Variants in ACVR2B observed in about 807,000 individuals in gnomAD.
The protein encoded by ACVR2B is activin A receptor type 2B, also known as activin receptor type-2B.
In ACVR2B, 18 loss-of-function variants were observed where a neutral mutation model predicts 65.1. The ratio of observed to expected loss-of-function variants is 0.28; its 90% confidence interval spans 0.19 to 0.41. ACVR2B has a LOEUF of 0.41. ACVR2B is among the 10% of genes least tolerant of loss of function. The pLI is 1.00. For missense variants in ACVR2B, 482 were observed against 682.7 expected, an observed-to-expected ratio of 0.71 and a Z score of 3.28; for synonymous variants, 298 against 277.7, an observed-to-expected ratio of 1.07 and a Z score of -0.73.
Position 38,479,713 on chromosome 3 carries a change from C to T in ACVR2B, c.846C>T (p.Ile282=), listed in dbSNP as rs201738662. Residue 282 remains isoleucine (I), a synonymous_variant, in exon 7 of 11, where the codon ATC becomes ATT. Transcript: ENST00000352511. ...CGGATTACCTCAAGGGGAACATCAT[C>T]ACATGGAACGAACTGTGTCATGTAG... ...SLTDYLKGNI[I]TWNELCHVAE... is the part of the protein sequence containing the mutation. 3 of 1,614,240 alleles carry T rather than the reference C, an allele frequency of 1.9e-6. No homozygotes were observed. The highest frequency in any genetic ancestry group is 1.3e-5 in the African/African-American group (1 of 75,070).
chr3:38,469,326 C>T (rs1302655330), intron 1 of ACVR2B, among the ~76,000 whole-genome samples: 1 of 152,102 alleles, frequency 6.6e-6, no homozygotes, highest in African/African-American at 2.4e-5. Context: ...CTTTGCCTGT[C>T]TTTATAATTT....
At chr3:38,480,832 C>A (rs1377711188) in intron 7 of ACVR2B, among the ~76,000 whole-genome samples, 1 of 152,228 alleles carries the variant, frequency 6.6e-6, no homozygotes, top group East Asian at 1.9e-4. Flanking sequence ...AAACTGAGTA[C>A]CACAAGTAGC....
intron 1 of ACVR2B, among the ~76,000 whole-genome samples, chr3:38,464,093 C>T (rs556464074): frequency 6.6e-6 from 1 of 152,298 alleles, no homozygotes; most frequent in East Asian, 1.9e-4. Context: ...TTGCACCAAC[C>T]CAATAGTCAC....
chr3:38,459,859 G>T (rs1159395408), intron 1 of ACVR2B, among the ~76,000 whole-genome samples: 2 of 152,156 alleles, frequency 1.3e-5, no homozygotes, highest in Admixed American at 6.5e-5. Flanking sequence ...CTTGTCTATT[G>T]GGCTTGGCAG....
rs575100814 is a variant in ACVR2B, at chr3:38,459,282, A to G, written c.52+4908A>G. On this transcript the variant is annotated intron_variant, in intron 1 of 10. Coordinates refer to ENST00000352511, the MANE Select transcript of ACVR2B (RefSeq NM_001106.4). The stretch of plus-strand genomic sequence containing the variant: ...GGTTCTGGTGTACAGCTTACCACCG[A>G]GGAGAATCCTGGCGTCCTTGAGTTT... Among the ~76,000 whole-genome samples, 41 of 152,316 alleles carry G rather than the reference A, an allele frequency of 2.7e-4. No homozygotes were observed. In the South Asian group the frequency reaches 8.3e-3, roughly 31 times the overall value.
intron 1 of ACVR2B, among the ~76,000 whole-genome samples, chr3:38,462,815 G>A (rs986412489): frequency 2.6e-5 from 4 of 152,164 alleles, no homozygotes; most frequent in Non-Finnish European, 4.4e-5. Context: ...TCATAAGCAC[G>A]TATGTTATTG....
intron 6 of ACVR2B, 137 bp from the exon 7 acceptor site, chr3:38,479,541 A>G (rs1042351666): frequency 1.8e-6 from 2 of 1,138,962 alleles, no homozygotes; most frequent in African/African-American, 3.0e-5. Flanking sequence ...GGCCTCATCC[A>G]TCTTCCATAT....
chr3:38,490,051 G>A lies in ACVR2B; in HGVS notation c.*6719G>A, dbSNP rs1269478654. Reference sequence around the variant, plus strand: ...GTAACAGCAGAGCATCTTTCAGATAGCTCCAGAGTTTTCCTGCTTTTCTGA... The same window carrying A: ...GTAACAGCAGAGCATCTTTCAGATAACTCCAGAGTTTTCCTGCTTTTCTGA... On this transcript the variant is annotated 3_prime_UTR_variant, in exon 11 of 11. Coordinates refer to ENST00000352511, the MANE Select transcript of ACVR2B (RefSeq NM_001106.4). 1.3e-5 allele frequency: 2 copies of A among 152,224 alleles called. No homozygotes were observed. The highest frequency in any genetic ancestry group is 2.9e-5 in the Non-Finnish European group (2 of 68,040). The allele number at this position is 152,224 out of a possible 1,614,324, so 9.4% of individuals were successfully genotyped here.
rs1470129412 is a variant in ACVR2B, at chr3:38,454,344, C to T, written c.22C>T (p.Leu8Phe). 1.4e-5 allele frequency: 18 copies of T among 1,297,606 alleles called. No homozygotes were observed. The highest frequency in any genetic ancestry group is 6.3e-5 in the East Asian group (2 of 31,958). 80.4% of individuals were successfully genotyped at this position (1,297,606 alleles called of 1,614,324 possible). The change falls in exon 1 of 11, where the codon CTC becomes TTC. Residue 8 changes from leucine (L) to phenylalanine (F), a missense_variant. Physicochemically the swap from Leu to Phe is conservative, Grantham distance 22 (BLOSUM62 0). This residue lies in a region of ACVR2B where 41 missense variants were observed against 38.2 expected (regional missense o/e 1.07). Coordinates refer to ENST00000352511, the MANE Select transcript of ACVR2B (RefSeq NM_001106.4). ...GAACATGACGGCGCCCTGGGTGGCC[C>T]TCGCCCTCCTCTGGGGATCGCTGTG... MTAPWVA[L>F]ALLWGSLCAG...
chr3:38,463,393 A>G (rs1445393914), intron 1 of ACVR2B, among the ~76,000 whole-genome samples: 3 of 152,206 alleles, frequency 2.0e-5, no homozygotes, highest in Non-Finnish European at 2.9e-5. Flanking sequence ...GTATTGGAGA[A>G]ACCTGTAGAA....
At chr3:38,464,841 T>G (rs1426502592) in intron 1 of ACVR2B, among the ~76,000 whole-genome samples, 1 of 151,810 alleles carries the variant, frequency 6.6e-6, no homozygotes, top group Non-Finnish European at 1.5e-5. Context: ...GAGGATCAGT[T>G]GAGCCCAGGA....
At position 38,481,573 on chromosome 3, in the gene ACVR2B, C is replaced by T. The variant is rs1710018344; in HGVS notation, c.1074+108C>T. 3.5e-6 allele frequency: 3 copies of T among 868,598 alleles called. No homozygotes were observed. The highest frequency in any genetic ancestry group is 3.9e-6 in the Non-Finnish European group (2 of 518,280). 53.8% of individuals were successfully genotyped at this position (868,598 alleles called of 1,614,324 possible). On this transcript the variant is annotated intron_variant, in intron 8 of 10. Transcript: ENST00000352511. The surrounding 1 kb of genome is among the most constrained non-coding windows in gnomAD (Gnocchi z 4.7). ...AGGGATGAGGGTGACTGCATGCGTT[C>T]AGAGCTGTCTGAGAACTTAGAGCAA...
intron 1 of ACVR2B, among the ~76,000 whole-genome samples, chr3:38,462,230 T>G (rs1709660907): frequency 6.6e-6 from 1 of 152,060 alleles, no homozygotes; most frequent in African/African-American, 2.4e-5. Flanking sequence ...AATAAATAAA[T>G]AAATAAATAG....
intron 3 of ACVR2B, 66 bp from the exon 4 acceptor site, chr3:38,478,075 G>A: frequency 6.2e-7 from 1 of 1,600,140 alleles, no homozygotes. Flanking sequence ...ACAGGGCCCT[G>A]TAGTCTGGCT....
In ACVR2B at chr3:38,488,922, A is replaced by G. The variant is rs1389944513; in HGVS notation, c.*5590A>G. 3 of 152,248 alleles carry G rather than the reference A, an allele frequency of 2.0e-5. No individual in the cohort carries two copies. The highest frequency in any genetic ancestry group is 7.2e-5 in the African/African-American group (3 of 41,452). 9.4% of individuals were successfully genotyped at this position (152,248 alleles called of 1,614,324 possible). A position where few individuals can be genotyped will look rare whatever the true frequency, so the allele number is the denominator to read the frequency against. On this transcript the variant is annotated 3_prime_UTR_variant, in exon 11 of 11. Transcript: ENST00000352511. ...ACCACAGGGCACTAAAGCAATGTAC[A>G]CACCACTCTTTGTGTGTATGGAAGG... is the stretch of plus-strand genomic sequence containing the variant.
At chr3:38,472,552 G>C (rs185842765) in intron 1 of ACVR2B, among the ~76,000 whole-genome samples, 1 of 152,268 alleles carries the variant, frequency 6.6e-6, no homozygotes, top group East Asian at 1.9e-4. Flanking sequence ...CACCTGGTGA[G>C]TGGCACTCCT....
intron 1 of ACVR2B, among the ~76,000 whole-genome samples, chr3:38,463,176 A>G (rs1709676416): frequency 6.6e-6 from 1 of 152,162 alleles, no homozygotes; most frequent in Non-Finnish European, 1.5e-5. Context: ...ACTAGCCAGG[A>G]TGTGCTGGTC....
chr3:38,481,992 T>C lies in ACVR2B; in HGVS notation c.1075-206T>C, dbSNP rs979179102. Among the ~76,000 whole-genome samples the C allele has an allele frequency of 6.6e-6, 1 of 152,184 alleles. No individual in the cohort carries two copies. Among genetic ancestry groups the C allele is most frequent in the Non-Finnish European group, 1.5e-5 (1 of 68,040 alleles). On this transcript the variant is annotated intron_variant, in intron 8 of 10. Transcript: ENST00000352511. The surrounding 1 kb of genome is among the most constrained non-coding windows in gnomAD (Gnocchi z 4.7). ...ACTATTATCTCCAGGATATAGTATTTAAAAATTATTAGCCAAGTATAATTG... is the reference window on the plus strand; with the variant it reads ...ACTATTATCTCCAGGATATAGTATTCAAAAATTATTAGCCAAGTATAATTG...
intron 7 of ACVR2B, 50 bp downstream of exon 7, chr3:38,479,876 A>T: frequency 6.2e-6 from 10 of 1,603,448 alleles, no homozygotes; most frequent in Non-Finnish European, 8.5e-6. Context: ...GAGCTGTGGG[A>T]AGGGTTGGTG....
Sources: allele counts gnomAD v4.1 joint callset (sites outside exome capture counted in the v4.1 genomes callset), GRCh38; gene constraint gnomAD v4.1.1; regional missense constraint gnomAD v4.1.1; non-coding constraint Gnocchi (gnomAD v3.1); transcripts MANE v1.5; gene names NCBI Gene and HGNC (gene_info 2026-07-23, HGNC 2026-07-21).